Variants in SH3GL1 observed in about 807,000 individuals in gnomAD.
SH3GL1 encodes SH3 domain containing GRB2 like 1, endophilin A2, also known as endophilin-A2.
SH3GL1 carries 21 observed loss-of-function variants against 48.8 expected under a neutral mutation model. The observed-to-expected ratio is 0.43, with a 90% CI of 0.30 to 0.62. The LOEUF (loss-of-function observed/expected upper bound fraction) is 0.62, where lower values mean the gene tolerates loss of function less well. Among genes scored for constraint, SH3GL1 ranks in the 20% least tolerant of loss-of-function variants. SH3GL1 has a pLI of 0.11. For missense variants in SH3GL1, 454 were observed against 503.0 expected (o/e 0.90, Z 0.93); for synonymous variants, 282 against 217.5 (o/e 1.30, Z -2.61).
chr19:4,383,011 CG>C (rs1367229975), intron 1 of SH3GL1, among the ~76,000 whole-genome samples: 1 of 152,150 alleles, frequency 6.6e-6, no homozygotes, highest in East Asian at 1.9e-4. Context: ...CTCTGCCTCC[CG>C]GGTTCAAGTG....
chr19:4,397,755 G>C (rs1199000565), intron 1 of SH3GL1, among the ~76,000 whole-genome samples: 1 of 152,160 alleles, frequency 6.6e-6, no homozygotes, highest in Non-Finnish European at 1.5e-5. Flanking sequence ...AATTCGTCTG[G>C]ATTAAATCTT....
At chr19:4,366,601 C>A in intron 2 of SH3GL1, 28 bp from the exon 3 acceptor site, 1 of 1,601,154 alleles carries the variant, frequency 6.2e-7, no homozygotes, top group South Asian at 1.1e-5. Flanking sequence ...ATATAAGACT[C>A]CACAGCCAGT....
chr19:4,398,724 C>T (rs1006581326), intron 1 of SH3GL1, among the ~76,000 whole-genome samples: 1 of 152,110 alleles, frequency 6.6e-6, no homozygotes, highest in African/African-American at 2.4e-5. Context: ...TTTAAATGTG[C>T]CCAGTTTTCT....
intron 4 of SH3GL1, among the ~76,000 whole-genome samples, chr19:4,364,886 GTGTGTGTGTGTGTATA>G (rs2080024192): frequency 1.1e-5 from 1 of 90,888 alleles, no homozygotes; most frequent in South Asian, 3.8e-4. Flanking sequence ...GTGTGTGTGT[GTGTGTGTGTGTGTATA>G]TATATATATA....
intron 1 of SH3GL1, among the ~76,000 whole-genome samples, chr19:4,378,227 A>C (rs1973051001): frequency 6.6e-6 from 1 of 152,178 alleles, no homozygotes; most frequent in Non-Finnish European, 1.5e-5. Flanking sequence ...TGCCAGTAAC[A>C]CATCAGAGCA....
intron 9 of SH3GL1, 99 bp from the exon 10 acceptor site, chr19:4,361,895 A>G: frequency 2.3e-6 from 2 of 870,960 alleles, no homozygotes; most frequent in East Asian, 2.5e-5. Flanking sequence ...GTGGGTGGGC[A>G]TGGGCCTCCC....
At chr19:4,368,662 G>A (rs548487837) in intron 1 of SH3GL1, among the ~76,000 whole-genome samples, 29 of 152,306 alleles carry the variant, frequency 1.9e-4, no homozygotes, top group Admixed American at 7.8e-4. Flanking sequence ...CTTCATGTGC[G>A]GGGTGTGCCG....
chr19:4,400,131 G>A lies in SH3GL1; in HGVS notation c.45+193C>T, dbSNP rs1474969264. On this transcript the variant is annotated intron_variant, in intron 1 of 9. Coordinates refer to ENST00000269886, the MANE Select transcript of SH3GL1 (RefSeq NM_003025.4). This position sits in a 1 kb window ranked among gnomAD's most constrained non-coding sequence, Gnocchi z 4.1. The stretch of plus-strand genomic sequence containing the variant: ...CAGGGGCTCTGTCCCCGCTTCTGGA[G>A]CCCGCATGGCGGGCAGGGCCTGGGC... Among the ~76,000 whole-genome samples, 3 of 152,152 alleles carry A rather than the reference G, an allele frequency of 2.0e-5. No individual in the cohort carries two copies. Among genetic ancestry groups the A allele is most frequent in the Non-Finnish European group, 4.4e-5 (3 of 68,006 alleles).
At position 4,363,736 on chromosome 19, in the gene SH3GL1, T is replaced by C; in HGVS notation, c.608A>G (p.Asn203Ser). ...SKEVAETSMH[N>S]LLETDIEQVS... ...GCTACTCACGTCAGTCTCCAGGAGG[T>C]TGTGCATGCTGGTTTCTGCCACCTC... Residue 203 changes from asparagine to serine, a missense_variant, in exon 6 of 10, where the codon AAC becomes AGC. Transcript: ENST00000269886. The C allele has an allele frequency of 1.2e-6, 2 of 1,613,488 alleles. No individual in the cohort carries two copies. Among genetic ancestry groups the C allele is most frequent in the Non-Finnish European group, 1.7e-6 (2 of 1,180,004 alleles).
At chr19:4,370,677 AAC>A (rs1360024486) in intron 1 of SH3GL1, among the ~76,000 whole-genome samples, 1 of 152,226 alleles carries the variant, frequency 6.6e-6, no homozygotes, top group Non-Finnish European at 1.5e-5. Context: ...CCCAAGAGGG[AAC>A]AGTCTCCAAG....
intron 1 of SH3GL1, among the ~76,000 whole-genome samples, chr19:4,385,088 G>A (rs1973210807): frequency 7.2e-6 from 1 of 139,444 alleles, no homozygotes. Flanking sequence ...TGGGTGACGA[G>A]AGACTCCATC....
chr19:4,379,487 A>C (rs1270698759), intron 1 of SH3GL1, among the ~76,000 whole-genome samples: 5 of 152,002 alleles, frequency 3.3e-5, no homozygotes, highest in African/African-American at 1.2e-4. Flanking sequence ...ACTTAAAAAG[A>C]AGGTTGGTAG....
chr19:4,392,571 A>ACACACACAC (rs1568422062), intron 1 of SH3GL1, among the ~76,000 whole-genome samples: 4 of 142,388 alleles, frequency 2.8e-5, no homozygotes, highest in African/African-American at 1.1e-4. Flanking sequence ...CACACACACA[A>ACACACACAC]AAGATCATTC....
intron 1 of SH3GL1, among the ~76,000 whole-genome samples, chr19:4,397,591 G>A (rs1245072215): frequency 3.9e-5 from 6 of 152,156 alleles, no homozygotes; most frequent in Non-Finnish European, 7.3e-5. Flanking sequence ...GACCTCTGAG[G>A]ACATCTTTCC....
chr19:4,363,938 G>A (rs1972699494), intron 5 of SH3GL1, 60 bp from the exon 6 acceptor site: 1 of 1,609,138 alleles, frequency 6.2e-7, no homozygotes, highest in Non-Finnish European at 8.5e-7. Flanking sequence ...CCCACGCATG[G>A]CTTTGACCCA....
intron 1 of SH3GL1, among the ~76,000 whole-genome samples, chr19:4,369,530 G>A (rs1013087370): frequency 6.6e-6 from 1 of 152,200 alleles, no homozygotes; most frequent in Admixed American, 6.5e-5. Flanking sequence ...CACAGGGCAG[G>A]AGGAGAGGCC....
chr19:4,362,805 T>C, intron 7 of SH3GL1, 69 bp from the exon 8 acceptor site: 1 of 1,607,150 alleles, frequency 6.2e-7, no homozygotes, highest in South Asian at 1.1e-5. Flanking sequence ...CTTGTATTTA[T>C]GCTGCTGCCT....
intron 1 of SH3GL1, among the ~76,000 whole-genome samples, chr19:4,379,733 A>G (rs1973082964): frequency 6.6e-6 from 1 of 152,024 alleles, no homozygotes; most frequent in African/African-American, 2.4e-5. Flanking sequence ...GCCTCTGTGC[A>G]TGGGCGAGCC....
chr19:4,388,196 C>T (rs541155518), intron 1 of SH3GL1, among the ~76,000 whole-genome samples: 14 of 152,174 alleles, frequency 9.2e-5, no homozygotes, highest in Middle Eastern at 6.8e-3. Flanking sequence ...AAAAATACCA[C>T]GATCCCCTTT....
Sources: gnomAD v4.1 joint callset for allele counts (sites outside exome capture counted in the v4.1 genomes callset) on GRCh38, gnomAD v4.1.1 for gene constraint, Gnocchi (gnomAD v3.1) non-coding constraint, MANE v1.5 for transcripts, NCBI Gene and HGNC (gene_info 2026-07-23, HGNC 2026-07-21) for gene names.